The following FRMPD4 variants were observed in gnomAD, a reference collection of about 807,000 sequenced individuals.
The protein encoded by FRMPD4 is FERM and PDZ domain-containing protein 4.
A neutral mutation model predicts 94.1 loss-of-function variants in FRMPD4; 22 were observed. The observed-to-expected ratio is 0.23, with a 90% CI of 0.17 to 0.33. The LOEUF is 0.33. Among genes scored for constraint, FRMPD4 ranks in the 10% least tolerant of loss-of-function variants. The pLI is 1.00. For synonymous variants in FRMPD4, 631 were observed against 548.6 expected (o/e 1.15, Z -2.10); for missense variants, 1,111 against 1,339.9 (o/e 0.83, Z 2.67).
intron 1 of FRMPD4, among the ~76,000 whole-genome samples, chrX:12,297,435 A>G (rs1368590945): frequency 9.3e-6 from 1 of 107,449 alleles, no homozygotes; most frequent in African/African-American, 3.4e-5. Context: ...GAATTATGAG[A>G]GAAACAGAAT....
intron 1 of FRMPD4, among the ~76,000 whole-genome samples, chrX:12,239,999 G>A (rs2057111147): frequency 8.9e-6 from 1 of 112,360 alleles, no homozygotes; most frequent in South Asian, 3.7e-4. Context: ...TAAACCTTCA[G>A]TTCATACATA....
intron 1 of FRMPD4, among the ~76,000 whole-genome samples, chrX:11,851,526 T>A (rs145463156): frequency 5.4e-3 from 602 of 111,699 alleles, no homozygotes; most frequent in African/African-American, 0.019. Flanking sequence ...CTTTACTAGG[T>A]ATCCAAATAG....
chrX:12,421,440 C>T (rs1008779770), intron 1 of FRMPD4, among the ~76,000 whole-genome samples: 1 of 110,962 alleles, frequency 9.0e-6, no homozygotes, highest in African/African-American at 3.3e-5. Context: ...AGGTAAAAGG[C>T]TTTTTCTATC....
intron 1 of FRMPD4, among the ~76,000 whole-genome samples, chrX:12,262,973 T>G (rs1398146259): frequency 1.8e-5 from 2 of 111,822 alleles, no homozygotes; most frequent in African/African-American, 6.5e-5. Flanking sequence ...TGAGGTTAAT[T>G]TGCTGCAGTT....
intron 1 of FRMPD4, among the ~76,000 whole-genome samples, chrX:12,170,185 GTT>G (rs58430445): frequency 2.2e-4 from 21 of 96,887 alleles, no homozygotes; most frequent in African/African-American, 7.9e-4. Flanking sequence ...TTTCCACAGA[GTT>G]TTTTTTTTTT....
At chrX:12,317,603 ACAAAAAAAAC>A (rs1220064219) in intron 1 of FRMPD4, among the ~76,000 whole-genome samples, 1 of 98,384 alleles carries the variant, frequency 1.0e-5, no homozygotes, top group African/African-American at 4.4e-5. Context: ...AAAAAAAAAA[ACAAAAAAAAC>A]AAAAACCCAA....
chrX:12,190,694 T>A (rs865855002), intron 1 of FRMPD4, among the ~76,000 whole-genome samples: 1 of 86,990 alleles, frequency 1.1e-5, no homozygotes. Flanking sequence ...ACATCCACAT[T>A]AAAAAAAAAA....
At chrX:12,114,615 G>A (rs1301679536) in intron 3 of FRMPD4, among the ~76,000 whole-genome samples, 1 of 111,839 alleles carries the variant, frequency 8.9e-6, no homozygotes, top group African/African-American at 3.3e-5. Context: ...AAGAATATAT[G>A]GCATAAGCCC....
chrX:11,979,870 A>G (rs751035289), intron 3 of FRMPD4, among the ~76,000 whole-genome samples: 3 of 111,874 alleles, frequency 2.7e-5, no homozygotes, highest in Non-Finnish European at 3.8e-5. Context: ...TTATTTTACT[A>G]TAAATGAATT....
intron 1 of FRMPD4, among the ~76,000 whole-genome samples, chrX:12,493,043 C>T (rs1457261691): frequency 9.0e-6 from 1 of 111,174 alleles, no homozygotes; most frequent in Admixed American, 9.6e-5. Context: ...CCTCTACTAA[C>T]CCCAATGTGA....
intron 1 of FRMPD4, among the ~76,000 whole-genome samples, chrX:12,362,295 G>A (rs1210546801): frequency 1.8e-5 from 2 of 109,792 alleles, no homozygotes; most frequent in Non-Finnish European, 3.8e-5. Flanking sequence ...CCATGTTGGT[G>A]TGCTGCACCC....
intron 3 of FRMPD4, among the ~76,000 whole-genome samples, chrX:12,130,751 C>T (rs918115326): frequency 1.1e-4 from 12 of 110,454 alleles, no homozygotes; most frequent in South Asian, 3.9e-4. Flanking sequence ...TGTTATTCAA[C>T]GTGATTTGAT....
Position 12,548,253 on chromosome X carries a change from A to AG in FRMPD4, c.158+49461dup, listed in dbSNP as rs1249447936. Among the ~76,000 whole-genome samples the AG allele has an allele frequency of 1.2e-4, 14 of 112,047 alleles. 1 individual carries two copies. On this transcript the variant is annotated intron_variant, in intron 2 of 16. Coordinates refer to ENST00000675598, the MANE Select transcript of FRMPD4 (RefSeq NM_001368397.1). ...CACTGATATCTGGGCATTATAGGAA[A>AG]GGGGAAAAAAGTGAGTTTAAATGAA...
chrX:12,696,261 C>T (rs183732136), intron 9 of FRMPD4, among the ~76,000 whole-genome samples: 306 of 111,615 alleles, frequency 2.7e-3, no homozygotes, highest in Non-Finnish European at 4.4e-3. Flanking sequence ...TTGAAGAGAA[C>T]AGTCTTTTCC....
chrX:11,924,437 T>C (rs1002012429), intron 3 of FRMPD4, among the ~76,000 whole-genome samples: 6 of 111,304 alleles, frequency 5.4e-5, no homozygotes, highest in African/African-American at 2.0e-4. Context: ...AAGAAGATCA[T>C]CCCAAGGACA....
chrX:12,640,359 G>A (rs988232705), intron 4 of FRMPD4, among the ~76,000 whole-genome samples: 3 of 104,190 alleles, frequency 2.9e-5, no homozygotes, highest in Non-Finnish European at 3.9e-5. Flanking sequence ...GGAAGTAGTC[G>A]AAAGGCTTAT....
chrX:11,882,785 T>G (rs762678865), intron 3 of FRMPD4, among the ~76,000 whole-genome samples: 42 of 111,393 alleles, frequency 3.8e-4, no homozygotes, highest in Middle Eastern at 9.2e-3. Context: ...ATATTCAACC[T>G]GTAGTAGATT....
intron 1 of FRMPD4, among the ~76,000 whole-genome samples, chrX:12,185,588 C>G (rs1354651856): frequency 9.1e-6 from 1 of 110,442 alleles, no homozygotes; most frequent in Non-Finnish European, 1.9e-5. Context: ...CTTTCTCTTT[C>G]CATTGCCTTA....
intron 1 of FRMPD4, among the ~76,000 whole-genome samples, chrX:12,470,760 C>T (rs934091650): frequency 8.9e-6 from 1 of 111,788 alleles, no homozygotes; most frequent in African/African-American, 3.2e-5. Flanking sequence ...ATCAAGCTCA[C>T]ACATCCCTCC....
Sources: allele counts gnomAD v4.1 joint callset (sites outside exome capture counted in the v4.1 genomes callset), GRCh38; gene constraint gnomAD v4.1.1; transcripts MANE v1.5; gene names NCBI Gene and HGNC (gene_info 2026-07-23, HGNC 2026-07-21).